The following SLC16A12 variants were observed in gnomAD, a reference collection of about 807,000 sequenced individuals.
SLC16A12 encodes the protein solute carrier family 16 member 12, also known as monocarboxylate transporter 12.
Under a neutral mutation model 42.4 loss-of-function variants are expected in SLC16A12, and 17 were observed. That is an observed-to-expected ratio of 0.40 (90% CI 0.27 to 0.60). SLC16A12 has a LOEUF of 0.60. Ranked by LOEUF, SLC16A12 falls within the 20% of genes least tolerant of loss-of-function variation. The probability of loss-of-function intolerance (pLI) is 0.42; values close to 1 mark genes in which losing one functional copy is unlikely to be tolerated. For missense variants in SLC16A12, 544 were observed against 623.0 expected, an observed-to-expected ratio of 0.87 and a Z score of 1.35; for synonymous variants, 224 against 229.4, an observed-to-expected ratio of 0.98 and a Z score of 0.21.
chr10:89,477,202 T>C (rs1436088249), intron 2 of SLC16A12, among the ~76,000 whole-genome samples: 1 of 152,236 alleles, frequency 6.6e-6, no homozygotes, highest in Non-Finnish European at 1.5e-5. Context: ...GAAAGTTTGA[T>C]GAACTTTTAA....
intron 2 of SLC16A12, among the ~76,000 whole-genome samples, chr10:89,485,947 C>A (rs897213650): frequency 2.3e-4 from 35 of 152,104 alleles, no homozygotes; most frequent in Non-Finnish European, 1.6e-4. Flanking sequence ...AGAAAAGTAC[C>A]TTTGGGAATA....
intron 7 of SLC16A12, among the ~76,000 whole-genome samples, chr10:89,434,928 T>C (rs1033099782): frequency 3.3e-5 from 5 of 152,246 alleles, no homozygotes; most frequent in African/African-American, 4.8e-5. Context: ...GAGACTCTGA[T>C]GCAGGTGGTG....
At chr10:89,507,663 G>T (rs1412864328) in intron 2 of SLC16A12, among the ~76,000 whole-genome samples, 1 of 152,162 alleles carries the variant, frequency 6.6e-6, no homozygotes, top group African/African-American at 2.4e-5. Context: ...TGAAGAAACT[G>T]CATCAACTAA....
intron 2 of SLC16A12, among the ~76,000 whole-genome samples, chr10:89,554,824 C>T (rs947285310): frequency 6.6e-6 from 1 of 152,168 alleles, no homozygotes; most frequent in Non-Finnish European, 1.5e-5. Context: ...AGCTATCTGG[C>T]CCCTCTAGCC....
intron 2 of SLC16A12, among the ~76,000 whole-genome samples, chr10:89,547,215 G>A (rs1843746967): frequency 3.3e-5 from 5 of 152,090 alleles, no homozygotes; most frequent in Admixed American, 3.3e-4. Context: ...CCTTATAAGA[G>A]TATAAGGGAA....
chr10:89,445,983 G>C (rs1434809193), intron 3 of SLC16A12, among the ~76,000 whole-genome samples: 1 of 152,122 alleles, frequency 6.6e-6, no homozygotes, highest in Non-Finnish European at 1.5e-5. Context: ...TAGCCGATTT[G>C]ATCAAGTGGA....
At chr10:89,531,817 A>G (rs181146424) in intron 2 of SLC16A12, among the ~76,000 whole-genome samples, 1 of 152,336 alleles carries the variant, frequency 6.6e-6, no homozygotes, top group Non-Finnish European at 1.5e-5. Context: ...GTGCTTTACC[A>G]TCTTTCAAGA....
chr10:89,482,406 T>C (rs1218864970), intron 2 of SLC16A12, among the ~76,000 whole-genome samples: 1 of 152,200 alleles, frequency 6.6e-6, no homozygotes, highest in Non-Finnish European at 1.5e-5. Flanking sequence ...TTTAGATCCA[T>C]CAATAATAAA....
upstream of SLC16A12, among the ~76,000 whole-genome samples, chr10:89,539,768 C>G (rs553375141): frequency 6.6e-6 from 1 of 152,222 alleles, no homozygotes; most frequent in Non-Finnish European, 1.5e-5. Flanking sequence ...AAATAAGATG[C>G]AAGTATTTTA....
intron 2 of SLC16A12, among the ~76,000 whole-genome samples, chr10:89,468,307 T>TAAGCGCA (rs1842437764): frequency 6.6e-6 from 1 of 152,200 alleles, no homozygotes; most frequent in Non-Finnish European, 1.5e-5. Flanking sequence ...TTCTCATGAA[T>TAAGCGCA]AAGCGCACTC....
intron 2 of SLC16A12, among the ~76,000 whole-genome samples, chr10:89,514,042 TA>T (rs1843205835): frequency 6.6e-6 from 1 of 152,184 alleles, no homozygotes; most frequent in African/African-American, 2.4e-5. Context: ...ACTGAAATCC[TA>T]AAGAGCAGGG....
upstream of SLC16A12, among the ~76,000 whole-genome samples, chr10:89,536,425 TA>T (rs1036761329): frequency 6.6e-6 from 1 of 151,936 alleles, no homozygotes; most frequent in Non-Finnish European, 1.5e-5. Context: ...CTTTTGCTTG[TA>T]AAACAAAGGA....
Position 89,491,055 on chromosome 10 carries a change from C to G in SLC16A12, c.-46-28431G>C, listed in dbSNP as rs184294805. ...ATGAAATTCCAAGAGTTTTAGGCAG[C>G]CAAATACATATTTCTTATTTTATTA... On this transcript the variant is annotated intron_variant, in intron 2 of 7. Transcript: ENST00000371790. Among the ~76,000 whole-genome samples the G allele has an allele frequency of 2.7e-3, 408 of 152,266 alleles. 1 individual carries two copies. The highest frequency in any genetic ancestry group is 4.6e-3 in the Non-Finnish European group (310 of 68,024).
chr10:89,536,746 C>G (rs1843668427), upstream of SLC16A12, among the ~76,000 whole-genome samples: 1 of 152,144 alleles, frequency 6.6e-6, no homozygotes, highest in Non-Finnish European at 1.5e-5. Context: ...ATCTCAGGCC[C>G]AACCGCGGAT....
chr10:89,438,675 A>T lies in SLC16A12; in HGVS notation c.957T>A (p.Ala319=). 1 of 1,614,080 alleles carries T rather than the reference A, an allele frequency of 6.2e-7. No individual in the cohort carries two copies. The highest frequency in any genetic ancestry group is 1.1e-5 in the South Asian group (1 of 91,074). ...TCACTCCAAGTATGGACATAAGAAA[A>T]GCAGCTTGCTGATGACTCACTCCAA... ...LSVGVSHQQA[A]FLMSILGVID... Residue 319 remains alanine (A), a synonymous_variant, in exon 6 of 8, where the codon GCT becomes GCA. Transcript: ENST00000371790.
At chr10:89,455,920 C>T (rs775215121) in intron 3 of SLC16A12, 2 of 152,290 alleles carry the variant, frequency 1.3e-5, no homozygotes, top group East Asian at 3.9e-4. Flanking sequence ...TGTTCATAGG[C>T]TCTGTTCATA....
At chr10:89,521,115 A>G (rs544559022) in intron 2 of SLC16A12, among the ~76,000 whole-genome samples, 61 of 152,342 alleles carry the variant, frequency 4.0e-4, no homozygotes, top group African/African-American at 1.4e-3. Context: ...GCATGCTGCT[A>G]TCAAATGCTG....
rs1011504552 is a variant in SLC16A12 at position 89,431,327 on chromosome 10, G to C, written c.*1737C>G. 1 of 152,232 alleles carries C rather than the reference G, an allele frequency of 6.6e-6. No individual in the cohort carries two copies. The highest frequency in any genetic ancestry group is 6.5e-5 in the Admixed American group (1 of 15,278). The allele number at this position is 152,232 out of a possible 1,614,324, so 9.4% of individuals were successfully genotyped here. On this transcript the variant is annotated 3_prime_UTR_variant, in exon 8 of 8. Transcript: ENST00000371790. Reference sequence around the variant, plus strand: ...TATTTTTAAAATTGCAAATGACAAAGTCAATGGGGTTCAAAACTAAATTCT... The same window carrying C: ...TATTTTTAAAATTGCAAATGACAAACTCAATGGGGTTCAAAACTAAATTCT...
At chr10:89,474,392 G>A (rs546170980) in intron 2 of SLC16A12, among the ~76,000 whole-genome samples, 22 of 152,066 alleles carry the variant, frequency 1.4e-4, no homozygotes, top group Non-Finnish European at 2.6e-4. Flanking sequence ...CTTACTCTAC[G>A]CCTAATAAAT....
Sources: gnomAD v4.1 joint callset for allele counts (sites outside exome capture counted in the v4.1 genomes callset) on GRCh38, gnomAD v4.1.1 for gene constraint, MANE v1.5 for transcripts, NCBI Gene and HGNC (gene_info 2026-07-23, HGNC 2026-07-21) for gene names.